Variants in PLPPR1 observed in about 807,000 individuals in gnomAD.
PLPPR1 encodes the protein phospholipid phosphatase related 1, also known as phospholipid phosphatase-related protein type 1.
Under a neutral mutation model 33.1 loss-of-function variants are expected in PLPPR1, and 10 were observed. The ratio of observed to expected loss-of-function variants is 0.30; its 90% CI spans 0.19 to 0.51. The LOEUF is 0.51. PLPPR1 is among the 20% of genes least tolerant of loss of function. The probability of loss-of-function intolerance (pLI) is 0.97; values close to 1 mark genes in which losing one functional copy is unlikely to be tolerated. For missense variants in PLPPR1, 304 were observed against 408.1 expected, an observed-to-expected ratio of 0.74 and a Z score of 2.20; for synonymous variants, 151 against 151.0, an observed-to-expected ratio of 1.00 and a Z score of 0.00.
At chr9:101,158,909 C>G (rs939638127) in intron 1 of PLPPR1, among the ~76,000 whole-genome samples, 9 of 152,188 alleles carry the variant, frequency 5.9e-5, no homozygotes, top group Admixed American at 2.0e-4. Context: ...GTTTGGAGGA[C>G]TGGCTTCAGC....
chr9:101,255,512 T>TCTGCAAGAGTTAA (rs1827784395), intron 2 of PLPPR1, among the ~76,000 whole-genome samples: 1 of 152,200 alleles, frequency 6.6e-6, no homozygotes, highest in African/African-American at 2.4e-5. Context: ...TTTCTCCCAC[T>TCTGCAAGAGTTAA]CTGCAAGAGT....
intron 1 of PLPPR1, among the ~76,000 whole-genome samples, chr9:101,117,940 G>T (rs552403397): frequency 6.6e-6 from 1 of 152,218 alleles, no homozygotes; most frequent in Admixed American, 6.5e-5. Context: ...GGATATTGGG[G>T]TTAACCCTGT....
At chr9:101,311,523 A>T (rs192080163) in intron 5 of PLPPR1, among the ~76,000 whole-genome samples, 18 of 152,358 alleles carry the variant, frequency 1.2e-4, no homozygotes, top group African/African-American at 4.3e-4. Flanking sequence ...ATAATTGGAA[A>T]ACATAATAGC....
chr9:101,156,053 G>T (rs924121480), intron 1 of PLPPR1, among the ~76,000 whole-genome samples: 1 of 152,158 alleles, frequency 6.6e-6, no homozygotes, highest in African/African-American at 2.4e-5. Context: ...TAGCACTGGG[G>T]TTATAGCAGA....
At chr9:101,155,504 C>T (rs1831669230) in intron 1 of PLPPR1, among the ~76,000 whole-genome samples, 1 of 152,142 alleles carries the variant, frequency 6.6e-6, no homozygotes, top group Non-Finnish European at 1.5e-5. Context: ...AGCATTAATC[C>T]ATTCACAAGG....
intron 6 of PLPPR1, among the ~76,000 whole-genome samples, chr9:101,315,476 G>A (rs183391143): frequency 6.6e-6 from 1 of 152,300 alleles, no homozygotes; most frequent in East Asian, 1.9e-4. Flanking sequence ...GGATGATATT[G>A]GGGTTTGCTG....
rs10119198 is a variant in PLPPR1, at chr9:101,241,651, G to A, written c.64-28229G>A. Among the ~76,000 whole-genome samples the A allele has an allele frequency of 2.7e-3, 408 of 152,134 alleles. 1 individual carries two copies. Among genetic ancestry groups the A allele is most frequent in the African/African-American group, 9.5e-3 (396 of 41,552 alleles). ...CAATGGCTACTCAGCCATTGGCTGG[G>A]GCCTTATCTGAAAAGAGCAAGCTCA... is the stretch of plus-strand genomic sequence containing the variant. On this transcript the variant is annotated intron_variant, in intron 2 of 7. Transcript: ENST00000374874.
At chr9:101,097,367 T>C (rs10819900) in intron 1 of PLPPR1, among the ~76,000 whole-genome samples, 64,654 of 152,086 alleles carry the variant, frequency 0.43, 14,010 homozygotes, top group Non-Finnish European at 0.47. Flanking sequence ...TAAGTGAACA[T>C]GTTAACATTT....
At chr9:101,115,169 A>G (rs73656147) in intron 1 of PLPPR1, among the ~76,000 whole-genome samples, 10,653 of 152,036 alleles carry the variant, frequency 0.07, 942 homozygotes, top group African/African-American at 0.21. Flanking sequence ...CCACTCCAAA[A>G]CCCTAGTGAA....
intron 2 of PLPPR1, among the ~76,000 whole-genome samples, chr9:101,212,385 A>G (rs1295332489): frequency 3.3e-5 from 5 of 152,118 alleles, no homozygotes; most frequent in Admixed American, 6.6e-5. Flanking sequence ...TCCCGGCCAC[A>G]TCTTTTGCTC....
chr9:101,226,976 A>G (rs1351437401), intron 2 of PLPPR1, among the ~76,000 whole-genome samples: 3 of 152,140 alleles, frequency 2.0e-5, no homozygotes, highest in East Asian at 1.9e-4. Flanking sequence ...TGATGACCAC[A>G]TGGGGGCACC....
chr9:101,237,235 T>A (rs1448490751), intron 2 of PLPPR1, among the ~76,000 whole-genome samples: 1 of 151,814 alleles, frequency 6.6e-6, no homozygotes, highest in African/African-American at 2.4e-5. Flanking sequence ...TGTAAATTAG[T>A]ACAGCCTCTG....
intron 2 of PLPPR1, among the ~76,000 whole-genome samples, chr9:101,233,730 G>T (rs1047803358): frequency 6.6e-6 from 1 of 151,834 alleles, no homozygotes; most frequent in African/African-American, 2.4e-5. Context: ...CACCCTCCAG[G>T]ACTGTCCATT....
At chr9:101,191,324 T>C (rs915851571) in intron 2 of PLPPR1, among the ~76,000 whole-genome samples, 1 of 152,170 alleles carries the variant, frequency 6.6e-6, no homozygotes, top group Non-Finnish European at 1.5e-5. Context: ...CATTACTTTT[T>C]GTTAGAATAA....
intron 4 of PLPPR1, among the ~76,000 whole-genome samples, chr9:101,290,925 C>G (rs1349334000): frequency 1.3e-5 from 2 of 152,322 alleles, no homozygotes; most frequent in East Asian, 3.9e-4. Flanking sequence ...GAGTGCCAGA[C>G]AGTGGGCGCA....
intron 3 of PLPPR1, among the ~76,000 whole-genome samples, chr9:101,275,352 G>A (rs1282725336): frequency 6.6e-6 from 1 of 152,238 alleles, no homozygotes; most frequent in African/African-American, 2.4e-5. Context: ...AGACTCTGCT[G>A]TATATTCAAC....
rs142113411 is a variant in PLPPR1, at chr9:101,311,440, G to A, written c.637-1358G>A. Among the ~76,000 whole-genome samples, 432 of 152,212 alleles carry A rather than the reference G, an allele frequency of 2.8e-3. 4 individuals are homozygous for A. Among genetic ancestry groups the A allele is most frequent in the Non-Finnish European group, 4.0e-3 (269 of 67,992 alleles). On this transcript the variant is annotated intron_variant, in intron 5 of 7. Transcript: ENST00000374874. ...CCTAAGTACTGGTTAATACTATGAA[G>A]AATACCAACTAACCATAGGCTCATG...
chr9:101,065,695 A>G (rs1355994869), intron 1 of PLPPR1, among the ~76,000 whole-genome samples: 1 of 152,110 alleles, frequency 6.6e-6, no homozygotes, highest in Non-Finnish European at 1.5e-5. Context: ...AAGTTCCAAA[A>G]TACGCAGGAA....
At chr9:101,284,490 T>C (rs1042670048) in intron 3 of PLPPR1, among the ~76,000 whole-genome samples, 9 of 152,138 alleles carry the variant, frequency 5.9e-5, no homozygotes, top group Non-Finnish European at 7.4e-5. Context: ...TCTTGAAAAA[T>C]TCCAAGTGAA....
Sources: gnomAD v4.1 joint callset for allele counts (sites outside exome capture counted in the v4.1 genomes callset) on GRCh38, gnomAD v4.1.1 for gene constraint, MANE v1.5 for transcripts, NCBI Gene and HGNC (gene_info 2026-07-23, HGNC 2026-07-21) for gene names.